The following COL22A1 variants were observed in gnomAD, a reference collection of about 807,000 sequenced individuals.
The protein encoded by COL22A1 is collagen type XXII alpha 1 chain.
Under a neutral mutation model 248.9 loss-of-function variants are expected in COL22A1, and 221 were observed. The ratio of observed to expected loss-of-function variants is 0.89; its 90% CI spans 0.80 to 0.99. The LOEUF is 0.99. COL22A1 is among the 50% of genes least tolerant of loss of function. COL22A1 has a pLI of 0.00. For synonymous variants in COL22A1, 891 were observed against 793.4 expected, an observed-to-expected ratio of 1.12 and a Z score of -2.07; for missense variants, 2,240 against 2,179.0, an observed-to-expected ratio of 1.03 and a Z score of -0.56.
chr8:138,778,839 C>T (rs1814711958), intron 14 of COL22A1, among the ~76,000 whole-genome samples: 1 of 152,188 alleles, frequency 6.6e-6, no homozygotes, highest in African/African-American at 2.4e-5. Context: ...CTCAGTACAG[C>T]CTGGACAAGT....
intron 30 of COL22A1, among the ~76,000 whole-genome samples, chr8:138,711,868 G>A (rs115612801): frequency 0.017 from 2,519 of 152,286 alleles, 54 homozygotes; most frequent in African/African-American, 0.052. Flanking sequence ...CAGGCCTAGC[G>A]TGTGGCATTC....
chr8:138,878,088 C>G lies in COL22A1; in HGVS notation c.320G>C (p.Arg107Pro). 6.3e-7 allele frequency: 1 copy of G among 1,598,264 alleles called. No homozygotes were observed. Among genetic ancestry groups the G allele is most frequent in the Non-Finnish European group, 8.5e-7 (1 of 1,173,444 alleles). ...SQEEVKAAAR[R>P]LAYHGGNTNT... ...GGTGTTGCCCCCGTGGTAGGCGAGACGCCGGGCAGCCGCCTTGACCTCCTC... is the reference window on the plus strand; with the variant it reads ...GGTGTTGCCCCCGTGGTAGGCGAGAGGCCGGGCAGCCGCCTTGACCTCCTC... The change falls in exon 3 of 65, where the codon CGT (arginine) becomes CCT (proline). Residue 107 changes from arginine (R) to proline (P), a missense_variant. By Grantham distance (103) the Arg-to-Pro change is moderately radical. Coordinates refer to ENST00000303045, the MANE Select transcript of COL22A1 (RefSeq NM_152888.3).
At position 138,694,577 on chromosome 8, in the gene COL22A1, T is replaced by C. The variant is rs1827342956; in HGVS notation, c.2647-16A>G. 6.2e-7 allele frequency: 1 copy of C among 1,613,524 alleles called. No individual in the cohort carries two copies. The highest frequency in any genetic ancestry group is 1.1e-5 in the South Asian group (1 of 91,042). ...CCTGCAGTCCCTGTAAGCACACAAG[T>C]TGCCATGAACCAGCTCATCCTCCTG... On this transcript the variant is annotated splice_polypyrimidine_tract_variant and intron_variant, in intron 33 of 64. Coordinates refer to ENST00000303045, the MANE Select transcript of COL22A1 (RefSeq NM_152888.3).
intron 18 of COL22A1, among the ~76,000 whole-genome samples, chr8:138,759,336 G>C (rs149237402): frequency 6.6e-6 from 1 of 152,160 alleles, no homozygotes; most frequent in Non-Finnish European, 1.5e-5. Context: ...TGAACTCTGC[G>C]GTGAGCCGCT....
intron 23 of COL22A1, among the ~76,000 whole-genome samples, chr8:138,736,157 C>A (rs767997245): frequency 3.3e-5 from 5 of 151,918 alleles, no homozygotes; most frequent in Admixed American, 6.6e-5. Context: ...TTCAGGTGTG[C>A]CCTCCTTTTT....
chr8:138,596,878 G>C, intron 62 of COL22A1, 26 bp downstream of exon 62: 1 of 1,607,586 alleles, frequency 6.2e-7, no homozygotes, highest in Non-Finnish European at 8.5e-7. Flanking sequence ...TTCTCTGCAA[G>C]ACCGTAACAC....
At chr8:138,678,958 C>T (rs1326256082) in intron 40 of COL22A1, among the ~76,000 whole-genome samples, 1 of 152,180 alleles carries the variant, frequency 6.6e-6, no homozygotes, top group African/African-American at 2.4e-5. Context: ...CTCTGTCACC[C>T]AGGCTGGAGT....
At chr8:138,837,925 G>A (rs1820559939) in intron 4 of COL22A1, among the ~76,000 whole-genome samples, 1 of 152,172 alleles carries the variant, frequency 6.6e-6, no homozygotes, top group African/African-American at 2.4e-5. Flanking sequence ...CCTCCTCAGT[G>A]ATGTAGGGGT....
chr8:138,832,446 G>A (rs1225157189), intron 5 of COL22A1, among the ~76,000 whole-genome samples: 2 of 152,126 alleles, frequency 1.3e-5, no homozygotes, highest in African/African-American at 2.4e-5. Flanking sequence ...ATTCATTTTG[G>A]TATCATCTTT....
chr8:138,682,263 G>A (rs1826023304), intron 39 of COL22A1, among the ~76,000 whole-genome samples: 1 of 101,068 alleles, frequency 9.9e-6, no homozygotes, highest in African/African-American at 3.7e-5. Context: ...AAAGAACTCA[G>A]GTGGAATGCA....
chr8:138,826,804 A>T, intron 5 of COL22A1, 23 bp from the exon 6 acceptor site: 1 of 1,613,330 alleles, frequency 6.2e-7, no homozygotes, highest in Non-Finnish European at 8.5e-7. Context: ...GGAGACAAAG[A>T]CACCAGGCTT....
At position 138,760,286 on chromosome 8, in the gene COL22A1, C is replaced by T. The variant is rs1441585689; in HGVS notation, c.1859G>A (p.Gly620Asp). Reference protein sequence around the residue: ...PGKPGDTGQQGRPGPSGVAGP... With the variant: ...PGKPGDTGQQDRPGPSGVAGP... ...TGCCACACCAGAAGGGCCGGGCCTGCCCTGGAGGAAAGAAAGAAAAGGCAG... is the reference window on the plus strand; with the variant it reads ...TGCCACACCAGAAGGGCCGGGCCTGTCCTGGAGGAAAGAAAGAAAAGGCAG... Residue 620 changes from glycine to aspartate, a missense_variant and splice_region_variant, in exon 18 of 65, where the codon GGC becomes GAC. Transcript: ENST00000303045. The T allele has an allele frequency of 2.5e-6, 4 of 1,597,972 alleles. No homozygotes were observed. The highest frequency in any genetic ancestry group is 1.7e-5 in the Admixed American group (1 of 58,380).
chr8:138,667,419 C>T (rs73449692), intron 41 of COL22A1, among the ~76,000 whole-genome samples: 11,456 of 151,988 alleles, frequency 0.075, 471 homozygotes, highest in African/African-American at 0.079. Flanking sequence ...TTAAATAGAC[C>T]CCCATTGGCA....
intron 60 of COL22A1, among the ~76,000 whole-genome samples, chr8:138,599,302 C>T (rs553534283): frequency 6.6e-6 from 1 of 151,972 alleles, no homozygotes; most frequent in Non-Finnish European, 1.5e-5. Context: ...CTGTGAAACC[C>T]CGTCTCTACT....
rs563580230 is a variant in COL22A1, at chr8:138,783,583, C to A, written c.1597-2603G>T. 2.0e-5 allele frequency among the ~76,000 whole-genome samples: 3 copies of A among 152,276 alleles called. No individual in the cohort carries two copies. The East Asian group carries it at 5.8e-4, about 29-fold the overall frequency. On this transcript the variant is annotated intron_variant, in intron 12 of 64. Transcript: ENST00000303045. ...TTAAGGGTGGGTCTGCCTTTCCCAGCCCACTGACTCAAAAGTTAATCTCCT... is the reference window on the plus strand; with the variant it reads ...TTAAGGGTGGGTCTGCCTTTCCCAGACCACTGACTCAAAAGTTAATCTCCT...
At chr8:138,664,377 T>C (rs1486875777) in intron 41 of COL22A1, among the ~76,000 whole-genome samples, 1 of 152,074 alleles carries the variant, frequency 6.6e-6, no homozygotes, top group Admixed American at 6.5e-5. Context: ...TGGAAGGCAT[T>C]CACATGCATT....
At chr8:138,717,444 G>C (rs1391923778) in intron 27 of COL22A1, among the ~76,000 whole-genome samples, 2 of 152,092 alleles carry the variant, frequency 1.3e-5, no homozygotes, top group Non-Finnish European at 2.9e-5. Context: ...ACTGCGCCCG[G>C]CCAGAATTTA....
At chr8:138,639,591 G>C (rs1188404426) in intron 47 of COL22A1, among the ~76,000 whole-genome samples, 11 of 152,116 alleles carry the variant, frequency 7.2e-5, no homozygotes, top group Admixed American at 7.2e-4. Flanking sequence ...AAGAAACTTC[G>C]CCCCACTCAG....
intron 16 of COL22A1, among the ~76,000 whole-genome samples, chr8:138,763,417 T>C (rs1416165665): frequency 6.6e-6 from 1 of 151,936 alleles, no homozygotes; most frequent in Admixed American, 6.6e-5. Flanking sequence ...AAGATCCCTA[T>C]GAGCAAGTCC....
Sources: gnomAD v4.1 joint callset for allele counts (sites outside exome capture counted in the v4.1 genomes callset) on GRCh38, gnomAD v4.1.1 for gene constraint, MANE v1.5 for transcripts, NCBI Gene and HGNC (gene_info 2026-07-23, HGNC 2026-07-21) for gene names.